The following ZNF276 variants were observed in gnomAD, a reference collection of about 807,000 sequenced individuals.
ZNF276 encodes the protein zinc finger protein 276.
ZNF276 carries 59 observed loss-of-function variants against 63.9 expected under a neutral mutation model. That is an observed-to-expected ratio of 0.92 (90% CI 0.75 to 1.15). The LOEUF is 1.15. ZNF276 is among the 50% of genes most tolerant of loss of function. The pLI, the probability that ZNF276 is intolerant of heterozygous loss-of-function variation, is 0.00. For missense variants in ZNF276, 1,084 were observed against 843.8 expected, an observed-to-expected ratio of 1.28 and a Z score of -3.53; for synonymous variants, 496 against 348.4, an observed-to-expected ratio of 1.42 and a Z score of -4.72.
chr16:89,724,109 C>A (rs369933737), intron 4 of ZNF276, among the ~76,000 whole-genome samples: 16 of 152,356 alleles, frequency 1.1e-4, no homozygotes, highest in African/African-American at 3.8e-4. Flanking sequence ...CAGGTCATTT[C>A]CTGGCACTCA....
At position 89,739,759 on chromosome 16, in the gene ZNF276, G is replaced by A. The variant is rs1431637465; in HGVS notation, c.*1513G>A. ...GTCGACCTCTTGCAGGAGGGTGGGTGTGGTGCAGAGAGAGGCAGTCCCCAT... is the reference window on the plus strand; with the variant it reads ...GTCGACCTCTTGCAGGAGGGTGGGTATGGTGCAGAGAGAGGCAGTCCCCAT... On this transcript the variant is annotated 3_prime_UTR_variant, in exon 11 of 11. Transcript: ENST00000443381. 3 of 1,482,214 alleles carry A rather than the reference G, an allele frequency of 2.0e-6. No individual in the cohort carries two copies. The highest frequency in any genetic ancestry group is 1.4e-5 in the African/African-American group (1 of 71,836). 91.8% of individuals were successfully genotyped at this position (1,482,214 alleles called of 1,614,324 possible). A position where few individuals can be genotyped will look rare whatever the true frequency, so the allele number is the denominator to read the frequency against.
intron 9 of ZNF276, among the ~76,000 whole-genome samples, chr16:89,736,449 C>T (rs1260216707): frequency 6.6e-6 from 1 of 151,788 alleles, no homozygotes; most frequent in Non-Finnish European, 1.5e-5. Flanking sequence ...CTCAGCCTCC[C>T]GAGTAGCTGG....
At chr16:89,721,500 G>C (rs985459149), upstream of ZNF276, 31 of 481,456 alleles carry the variant, frequency 6.4e-5, no homozygotes, top group Non-Finnish European at 6.8e-5. Flanking sequence ...GGCCCGCCCC[G>C]CCCGCCTCGC....
At chr16:89,720,778 G>T (rs1423269144), upstream of ZNF276, 8 of 1,455,292 alleles carry the variant, frequency 5.5e-6, no homozygotes, top group Non-Finnish European at 6.4e-6. Context: ...GCCGGTTGCC[G>T]GTGTCCAGCT....
In ZNF276 at chr16:89,740,148, C is replaced by A; in HGVS notation, c.*1902C>A. The stretch of plus-strand genomic sequence containing the variant: ...CTGAGAATGGCCGACCTGGTGCTCC[C>A]ATGGGTAGGAGGGTACAGCCCTCAG... On this transcript the variant is annotated 3_prime_UTR_variant, in exon 11 of 11. Coordinates refer to ENST00000443381, the MANE Select transcript of ZNF276 (RefSeq NM_001113525.2). The A allele has an allele frequency of 6.8e-7, 1 of 1,466,300 alleles. No homozygotes were observed. Among genetic ancestry groups the A allele is most frequent in the South Asian group, 1.1e-5 (1 of 88,028 alleles). 90.8% of individuals were successfully genotyped at this position (1,466,300 alleles called of 1,614,324 possible).
chr16:89,739,179 C>A lies in ZNF276; in HGVS notation c.*933C>A, dbSNP rs1254151716. 3.7e-6 allele frequency: 6 copies of A among 1,614,038 alleles called. No homozygotes were observed. In the African/African-American group the frequency reaches 5.3e-5, roughly 14 times the overall value. ...CCTGCCAGCTGGAGGTGAAACTGTG[C>A]TTGTATCCCCAGCCACGAAGAGCTG... is the stretch of plus-strand genomic sequence containing the variant. On this transcript the variant is annotated 3_prime_UTR_variant, in exon 11 of 11. Coordinates refer to ENST00000443381, the MANE Select transcript of ZNF276 (RefSeq NM_001113525.2).
intron 9 of ZNF276, among the ~76,000 whole-genome samples, chr16:89,736,273 T>G (rs2061881029): frequency 6.6e-6 from 1 of 152,046 alleles, no homozygotes; most frequent in Non-Finnish European, 1.5e-5. Flanking sequence ...GTGATTTGCC[T>G]GCCTTGGCCT....
rs377090567 is a variant in ZNF276, at chr16:89,733,969, C to A, written c.1405C>A (p.His469Asn). 31 of 1,613,978 alleles carry A rather than the reference C, an allele frequency of 1.9e-5. No individual in the cohort carries two copies. The highest frequency in any genetic ancestry group is 3.3e-4 in the Middle Eastern group (2 of 6,084). ...HEEVRERPCP[H>N]PGCNKVFMID... ...GGAGGTCCGGGAGCGGCCCTGCCCCCACCCTGGCTGCAACAAGGTTTTCAT... is the reference window on the plus strand; with the variant it reads ...GGAGGTCCGGGAGCGGCCCTGCCCCAACCCTGGCTGCAACAAGGTTTTCAT... The change falls in exon 9 of 11, where the codon CAC (histidine) becomes AAC (asparagine). Residue 469 changes from histidine to asparagine, a missense_variant. Coordinates refer to ENST00000443381, the MANE Select transcript of ZNF276 (RefSeq NM_001113525.2).
chr16:89,728,911 T>C lies in ZNF276; in HGVS notation c.1086-324T>C, dbSNP rs1244267058. ...GGTTCGCAGTTATGGGGTGAGGTGG[T>C]CGATTTCTCAAAGTCTGCTTAGCAG... On this transcript the variant is annotated intron_variant, in intron 5 of 10. Transcript: ENST00000443381. Among the ~76,000 whole-genome samples the C allele has an allele frequency of 2.0e-5, 3 of 152,282 alleles. No homozygotes were observed. In the East Asian group the frequency reaches 5.8e-4, roughly 29 times the overall value.
chr16:89,733,040 G>A (rs2061724559), intron 6 of ZNF276: 5 of 465,164 alleles, frequency 1.1e-5, no homozygotes, highest in South Asian at 8.4e-5. Flanking sequence ...TGACCCTGCT[G>A]TACCCTGCGC....
At chr16:89,733,436 G>C (rs899336917) in intron 7 of ZNF276, 24 bp downstream of exon 7, 1 of 1,614,072 alleles carries the variant, frequency 6.2e-7, no homozygotes. Flanking sequence ...CGCGAGGCTC[G>C]CCCTGCCTGT....
In ZNF276 at chr16:89,723,811, TG is replaced by T; in HGVS notation, c.1006+106del. 2.4e-6 allele frequency: 3 copies of T among 1,253,976 alleles called. No individual in the cohort carries two copies. In the South Asian group the frequency reaches 4.4e-5, roughly 19 times the overall value. The allele number at this position is 1,253,976 out of a possible 1,614,324, so 77.7% of individuals were successfully genotyped here. On this transcript the variant is annotated intron_variant, in intron 4 of 10. Coordinates refer to ENST00000443381, the MANE Select transcript of ZNF276 (RefSeq NM_001113525.2). Reference sequence around the variant, plus strand: ...TGTCTCCACTGCTCTAGGTGGTGGCTGGGGTGTGGTGTGAGAAGGAGCAGAG... The same window carrying T: ...TGTCTCCACTGCTCTAGGTGGTGGCTGGGTGTGGTGTGAGAAGGAGCAGAG...
chr16:89,720,792 T>C, upstream of ZNF276: 2 of 1,459,634 alleles, frequency 1.4e-6, no homozygotes, highest in East Asian at 3.1e-5. Context: ...TCCAGCTCGA[T>C]GGCCCCGTTG....
chr16:89,733,927 A>G lies in ZNF276; in HGVS notation c.1363A>G (p.Ile455Val), dbSNP rs78778151. Residue 455 changes from isoleucine to valine, a missense_variant, in exon 9 of 11, where the codon ATC (isoleucine) becomes GTC (valine). Physicochemically the swap from Ile to Val is conservative, Grantham distance 29 (BLOSUM62 3). Transcript: ENST00000443381. Reference protein sequence around the residue: ...YRGADGMKKHIKEHHEEVRER... With the variant: ...YRGADGMKKHVKEHHEEVRER... ...CACCGAGTCTCTCCTTCAGAAGCAC[A>G]TCAAGGAGCACCACGAGGAGGTCCG... The G allele has an allele frequency of 2.9e-4, 467 of 1,613,724 alleles. No homozygotes were observed. In the African/African-American group the frequency reaches 5.7e-3, roughly 20 times the overall value.
chr16:89,740,317 G>A lies in ZNF276; in HGVS notation c.*2071G>A. ...TTCGAGCACCCACACCAAGGCTGCT[G>A]CACCACGTCCTCAAATAAGACATTA... On this transcript the variant is annotated 3_prime_UTR_variant, in exon 11 of 11. Coordinates refer to ENST00000443381, the MANE Select transcript of ZNF276 (RefSeq NM_001113525.2). The A allele has an allele frequency of 3.5e-6, 2 of 579,564 alleles. No individual in the cohort carries two copies. The highest frequency in any genetic ancestry group is 3.0e-5 in the Admixed American group (1 of 33,652). 35.9% of individuals were successfully genotyped at this position (579,564 alleles called of 1,614,324 possible). A position where few individuals can be genotyped will look rare whatever the true frequency, so the allele number is the denominator to read the frequency against.
In ZNF276 at chr16:89,740,202, A is replaced by G; in HGVS notation, c.*1956A>G. 1 of 948,308 alleles carries G rather than the reference A, an allele frequency of 1.1e-6. No homozygotes were observed. Among genetic ancestry groups the G allele is most frequent in the Non-Finnish European group, 1.7e-6 (1 of 575,576 alleles). 58.7% of individuals were successfully genotyped at this position (948,308 alleles called of 1,614,324 possible). A position where few individuals can be genotyped will look rare whatever the true frequency, so the allele number is the denominator to read the frequency against. On this transcript the variant is annotated 3_prime_UTR_variant, in exon 11 of 11. Coordinates refer to ENST00000443381, the MANE Select transcript of ZNF276 (RefSeq NM_001113525.2). Reference sequence around the variant, plus strand: ...AGAAGAGGGCATTTCCTCTTTGCTTATTGTAAGTCTTAAAACTGGTGACAG... The same window carrying G: ...AGAAGAGGGCATTTCCTCTTTGCTTGTTGTAAGTCTTAAAACTGGTGACAG...
upstream of ZNF276, chr16:89,720,709 G>A (rs1396788906): frequency 2.2e-6 from 3 of 1,345,040 alleles, no homozygotes; most frequent in East Asian, 3.3e-5. Flanking sequence ...CCCGGGCGGG[G>A]GTCCCTCCAG....
intron 2 of ZNF276, 78 bp from the exon 3 acceptor site, chr16:89,723,059 C>T (rs1264803138): frequency 1.2e-6 from 2 of 1,611,094 alleles, no homozygotes; most frequent in East Asian, 2.2e-5. Context: ...GGTTTGAGAT[C>T]TCGAGAGGGT....
rs565546255 is a variant in ZNF276 at position 89,734,013 on chromosome 16, G to A, written c.1449G>A (p.Gln483=). 1.2e-6 allele frequency: 2 copies of A among 1,614,090 alleles called. No individual in the cohort carries two copies. Among genetic ancestry groups the A allele is most frequent in the East Asian group, 4.5e-5 (2 of 44,886 alleles). ...NKVFMIDRYL[Q]RHVKLIHTEV... ...TTTTCATGATCGACCGCTACCTGCAGCGCCACGTGAAGCTCATCCACACAG... is the reference window on the plus strand; with the variant it reads ...TTTTCATGATCGACCGCTACCTGCAACGCCACGTGAAGCTCATCCACACAG... Residue 483 remains glutamine, a synonymous_variant, in exon 9 of 11, where the codon CAG becomes CAA. Transcript: ENST00000443381.
Sources: allele counts gnomAD v4.1 joint callset (sites outside exome capture counted in the v4.1 genomes callset), GRCh38; gene constraint gnomAD v4.1.1; transcripts MANE v1.5; gene names NCBI Gene and HGNC (gene_info 2026-07-23, HGNC 2026-07-21).